Variants in IFT57 observed in about 807,000 individuals in gnomAD.
The protein encoded by IFT57 is intraflagellar transport 57, also known as intraflagellar transport protein 57 homolog.
A neutral mutation model predicts 56.8 loss-of-function variants in IFT57; 59 were observed. The observed-to-expected ratio is 1.04, with a 90% CI of 0.84 to 1.29. The LOEUF (loss-of-function observed/expected upper bound fraction) is 1.29. Among genes scored for constraint, IFT57 ranks in the 50% most tolerant of loss-of-function variants. IFT57 has a pLI of 0.00. For synonymous variants in IFT57, 209 were observed against 186.1 expected (o/e 1.12, Z -1.00); for missense variants, 470 against 522.1 (o/e 0.90, Z 0.97).
chr3:108,164,797 A>T (rs187939476), intron 9 of IFT57, among the ~76,000 whole-genome samples: 70 of 152,226 alleles, frequency 4.6e-4, no homozygotes, highest in Admixed American at 4.5e-3. Flanking sequence ...AGTTTGTTCC[A>T]ATTATACTGG....
intron 6 of IFT57, among the ~76,000 whole-genome samples, chr3:108,188,455 A>C (rs368726197): frequency 2.0e-5 from 3 of 152,218 alleles, no homozygotes; most frequent in Non-Finnish European, 2.9e-5. Flanking sequence ...AGATCAAACT[A>C]TCTAAAGAAG....
intron 6 of IFT57, among the ~76,000 whole-genome samples, chr3:108,175,461 C>T (rs2108311578): frequency 6.6e-6 from 1 of 151,964 alleles, no homozygotes; most frequent in Admixed American, 6.6e-5. Context: ...TATCTCCCTT[C>T]TTCAGAAACT....
At chr3:108,211,336 A>G (rs965104757) in intron 4 of IFT57, among the ~76,000 whole-genome samples, 1 of 152,256 alleles carries the variant, frequency 6.6e-6, no homozygotes, top group Admixed American at 6.5e-5. Context: ...CTAGGAATAT[A>G]TGAGTACTTA....
Position 108,213,922 on chromosome 3 carries a change from C to G in IFT57, c.585+9G>C. On this transcript the variant is annotated intron_variant, in intron 4 of 10. Coordinates refer to ENST00000264538, the MANE Select transcript of IFT57 (RefSeq NM_018010.4). Reference sequence around the variant, plus strand: ...TGAAAATGAACAGAAAGTTCAGCTACACACATACCACAAATTCTTCATCCA... The same window carrying G: ...TGAAAATGAACAGAAAGTTCAGCTAGACACATACCACAAATTCTTCATCCA... The G allele has an allele frequency of 6.4e-7, 1 of 1,557,336 alleles. No individual in the cohort carries two copies. Among genetic ancestry groups the G allele is most frequent in the Non-Finnish European group, 8.9e-7 (1 of 1,129,152 alleles).
intron 2 of IFT57, among the ~76,000 whole-genome samples, 176 bp from the exon 3 acceptor site, chr3:108,218,829 T>C (rs1322489848): frequency 6.6e-6 from 1 of 152,152 alleles, no homozygotes; most frequent in Non-Finnish European, 1.5e-5. Flanking sequence ...CATTGATACA[T>C]AAAAATACTC....
At chr3:108,199,035 T>C (rs1242425683) in intron 5 of IFT57, among the ~76,000 whole-genome samples, 1 of 152,214 alleles carries the variant, frequency 6.6e-6, no homozygotes, top group South Asian at 2.1e-4. Context: ...AATTTCCATA[T>C]ACCCTTCATT....
In IFT57 at chr3:108,222,265, A is replaced by C; in HGVS notation, c.58T>G (p.Ser20Ala). Residue 20 changes from serine (S) to alanine (A), a missense_variant, in exon 1 of 11, where the codon TCC (serine) becomes GCC (alanine). Transcript: ENST00000264538. ...TSGLEDGVPR[S>A]RGEGTGEVVL... ...ACTTCCCCGGTCCCTTCGCCACGGG[A>C]CCTAGGCACCCCATCTTCCAAACCC... is the stretch of plus-strand genomic sequence containing the variant. 1 of 1,613,816 alleles carries C rather than the reference A, an allele frequency of 6.2e-7. No homozygotes were observed. Among genetic ancestry groups the C allele is most frequent in the Non-Finnish European group, 8.5e-7 (1 of 1,179,962 alleles).
At chr3:108,191,480 CTTTT>C in intron 6 of IFT57, 37 bp downstream of exon 6, 9 of 1,188,912 alleles carry the variant, frequency 7.6e-6, no homozygotes, top group East Asian at 2.8e-5. Context: ...TTCCTTATAA[CTTTT>C]TTTTTTTTTT....
rs533072845 is a variant in IFT57, at chr3:108,221,818, T to C, written c.212+293A>G. On this transcript the variant is annotated intron_variant, in intron 1 of 10. Transcript: ENST00000264538. ...GTTTCATCTTTACAATCAGAAAATA[T>C]AGTTTGTGTTTTCTGGTAATGCGTG... is the stretch of plus-strand genomic sequence containing the variant. Among the ~76,000 whole-genome samples the C allele has an allele frequency of 5.9e-5, 9 of 152,340 alleles. No individual in the cohort carries two copies. The East Asian group carries it at 7.7e-4, about 13-fold the overall frequency.
intron 10 of IFT57, 109 bp from the exon 11 acceptor site, chr3:108,162,764 A>C: frequency 2.4e-6 from 2 of 829,246 alleles, no homozygotes; most frequent in Non-Finnish European, 3.4e-6. Flanking sequence ...ATAGGGTTAA[A>C]AATATAGCCA....
chr3:108,194,665 C>T (rs1286234390), intron 5 of IFT57, among the ~76,000 whole-genome samples: 1 of 151,956 alleles, frequency 6.6e-6, no homozygotes, highest in East Asian at 1.9e-4. Context: ...GAAAAGAATA[C>T]AGAATCCAGA....
At chr3:108,208,150 C>T (rs1232828741) in intron 4 of IFT57, among the ~76,000 whole-genome samples, 1 of 151,632 alleles carries the variant, frequency 6.6e-6, no homozygotes, top group African/African-American at 2.4e-5. Context: ...AAATAGGAAA[C>T]AACATAAATG....
At chr3:108,181,430 A>T (rs879903069) in intron 6 of IFT57, among the ~76,000 whole-genome samples, 8 of 152,212 alleles carry the variant, frequency 5.3e-5, no homozygotes, top group Non-Finnish European at 1.0e-4. Context: ...TTAAAAATAC[A>T]ACAGCCCAAA....
At chr3:108,205,994 T>TA (rs202003249) in intron 5 of IFT57, among the ~76,000 whole-genome samples, 2 of 114,278 alleles carry the variant, frequency 1.8e-5, no homozygotes, top group Non-Finnish European at 3.3e-5. Flanking sequence ...TATAATATAT[T>TA]TATGTTATAT....
intron 4 of IFT57, among the ~76,000 whole-genome samples, chr3:108,207,327 T>C (rs927129082): frequency 6.6e-6 from 1 of 152,112 alleles, no homozygotes; most frequent in Non-Finnish European, 1.5e-5. Flanking sequence ...AAGTGACCCT[T>C]TGAGAGCCAA....
chr3:108,181,129 T>C (rs1301809484), intron 6 of IFT57, among the ~76,000 whole-genome samples: 3 of 152,098 alleles, frequency 2.0e-5, no homozygotes, highest in African/African-American at 4.8e-5. Flanking sequence ...AACCTTTCTC[T>C]GATCCAGTTG....
intron 5 of IFT57, among the ~76,000 whole-genome samples, chr3:108,199,717 C>A (rs571053902): frequency 6.6e-6 from 1 of 152,164 alleles, no homozygotes; most frequent in Non-Finnish European, 1.5e-5. Flanking sequence ...GGAATAGTGA[C>A]TAAAACAATA....
chr3:108,198,442 C>CTTGTT (rs1033711853), intron 5 of IFT57, among the ~76,000 whole-genome samples: 149 of 152,032 alleles, frequency 9.8e-4, no homozygotes, highest in African/African-American at 3.4e-3. Flanking sequence ...GTGTGTGTGT[C>CTTGTT]TTGTTTTGTT....
intron 5 of IFT57, among the ~76,000 whole-genome samples, chr3:108,203,268 C>G (rs1396031367): frequency 2.6e-5 from 4 of 152,216 alleles, no homozygotes; most frequent in African/African-American, 9.7e-5. Context: ...GCTTTCCTCT[C>G]CCTTCCTTTC....
Sources: gnomAD v4.1 joint callset for allele counts (sites outside exome capture counted in the v4.1 genomes callset) on GRCh38, gnomAD v4.1.1 for gene constraint, MANE v1.5 for transcripts, NCBI Gene and HGNC (gene_info 2026-07-23, HGNC 2026-07-21) for gene names.